Variants in DENND5A observed in about 807,000 individuals in gnomAD.
The protein encoded by DENND5A is DENN domain-containing protein 5A.
A neutral mutation model predicts 140.3 loss-of-function variants in DENND5A; 64 were observed. The observed-to-expected ratio is 0.46, with a 90% CI of 0.37 to 0.56. The LOEUF (loss-of-function observed/expected upper bound fraction) is 0.56. Among genes scored for constraint, DENND5A ranks in the 20% least tolerant of loss-of-function variants. The pLI is 0.00. For synonymous variants in DENND5A, 605 were observed against 607.7 expected, an observed-to-expected ratio of 1.00 and a Z score of 0.07; for missense variants, 1,292 against 1,593.8, an observed-to-expected ratio of 0.81 and a Z score of 3.22.
At chr11:9,231,048 T>C (rs1850748276) in intron 1 of DENND5A, among the ~76,000 whole-genome samples, 1 of 152,088 alleles carries the variant, frequency 6.6e-6, no homozygotes, top group South Asian at 2.1e-4. Flanking sequence ...TTGAGAGGAA[T>C]GAATGAGTTA....
chr11:9,251,318 C>T (rs73404305), intron 1 of DENND5A, among the ~76,000 whole-genome samples: 3,353 of 151,984 alleles, frequency 0.022, 115 homozygotes, highest in African/African-American at 0.073. Flanking sequence ...GATGGCCAAG[C>T]AAAATTTTAA....
intron 1 of DENND5A, among the ~76,000 whole-genome samples, chr11:9,221,930 T>A (rs903033382): frequency 1.3e-5 from 2 of 152,052 alleles, no homozygotes; most frequent in Non-Finnish European, 2.9e-5. Context: ...GCTAATTTTT[T>A]ATATTTTTAG....
Position 9,174,102 on chromosome 11 carries a change from CAAAAAAAAAAA to C in DENND5A, c.1907-3336_1907-3326del, listed in dbSNP as rs57703622. The stretch of plus-strand genomic sequence containing the variant: ...TGGGCGATAGAGCAAGACTCCGTCT[CAAAAAAAAAAA>C]AAAAAAAAAAAAAAAAGAAAAAAAA... On this transcript the variant is annotated intron_variant, in intron 8 of 22. Transcript: ENST00000328194. Among the ~76,000 whole-genome samples the C allele has an allele frequency of 6.7e-3, 281 of 42,166 alleles. 2 individuals carry two copies. Among genetic ancestry groups the C allele is most frequent in the African/African-American group, 0.023 (261 of 11,472 alleles). 27.7% of individuals were successfully genotyped at this position (42,166 alleles called of 152,430 possible). A position where few individuals can be genotyped will look rare whatever the true frequency, so the allele number is the denominator to read the frequency against.
intron 1 of DENND5A, among the ~76,000 whole-genome samples, chr11:9,234,213 A>G (rs1850900773): frequency 6.6e-6 from 1 of 151,350 alleles, no homozygotes; most frequent in African/African-American, 2.4e-5. Flanking sequence ...TATACCCTCC[A>G]AACCACATTC....
intron 1 of DENND5A, among the ~76,000 whole-genome samples, chr11:9,242,277 G>C (rs561999977): frequency 1.3e-5 from 2 of 152,292 alleles, no homozygotes; most frequent in East Asian, 3.9e-4. Context: ...AAGAGCTGAA[G>C]GAGGGAATAA....
rs1847173914 is a variant in DENND5A at position 9,139,757 on chromosome 11, C to G, written c.3778G>C (p.Val1260Leu). ...TGCAGCACACGAATCAAGGAATTGA[C>G]AAGTGTATGGTCTTTGATCAGTGCC... ...DVALIKDHTL[V>L]NSLIRVLQTL... The change falls in exon 23 of 23, where the codon GTC (valine) becomes CTC (leucine). Residue 1260 changes from valine to leucine, a missense_variant. Around this residue, in one of 4 missense-constraint regions of DENND5A, gnomAD observed 498 missense variants for 689.7 expected, o/e 0.72. Coordinates refer to ENST00000328194, the MANE Select transcript of DENND5A (RefSeq NM_015213.4). 6.2e-7 allele frequency: 1 copy of G among 1,613,966 alleles called. No homozygotes were observed. Among genetic ancestry groups the G allele is most frequent in the Non-Finnish European group, 8.5e-7 (1 of 1,180,012 alleles).
chr11:9,146,976 C>T lies in DENND5A; in HGVS notation c.2857+54G>A. ...AAGGGGACAATGAGTGAGTCTCAGGCAGGTTCATAAAGACTGCCTTGAGAA... is the reference window on the plus strand; with the variant it reads ...AAGGGGACAATGAGTGAGTCTCAGGTAGGTTCATAAAGACTGCCTTGAGAA... On this transcript the variant is annotated intron_variant, in intron 16 of 22. Transcript: ENST00000328194. 3 of 1,589,794 alleles carry T rather than the reference C, an allele frequency of 1.9e-6. 1 individual carries two copies. In the South Asian group the frequency reaches 3.3e-5, roughly 18 times the overall value.
Position 9,204,272 on chromosome 11 carries a change from T to G in DENND5A, c.337A>C (p.Arg113=). The change falls in exon 4 of 23, where the codon AGG becomes CGG. Residue 113 remains arginine (R), a synonymous_variant. Coordinates refer to ENST00000328194, the MANE Select transcript of DENND5A (RefSeq NM_015213.4). ...GLAFKTQADP[R]EPQFHAFIIT... ...ATAAAGGCATGGAATTGGGGCTCCC[T>G]GGGATCAGCCTGGGTCTTGAATGCC... is the stretch of plus-strand genomic sequence containing the variant. 6.2e-7 allele frequency: 1 copy of G among 1,613,720 alleles called. No individual in the cohort carries two copies. Among genetic ancestry groups the G allele is most frequent in the East Asian group, 2.2e-5 (1 of 44,870 alleles).
At chr11:9,218,920 C>T (rs1199198007) in intron 1 of DENND5A, among the ~76,000 whole-genome samples, 3 of 152,012 alleles carry the variant, frequency 2.0e-5, no homozygotes, top group African/African-American at 7.3e-5. Context: ...GCAGGAGAAT[C>T]GCTTGAACCC....
At chr11:9,208,038 A>AGGG (rs1485322057) in intron 1 of DENND5A, among the ~76,000 whole-genome samples, 1 of 152,228 alleles carries the variant, frequency 6.6e-6, no homozygotes, top group African/African-American at 2.4e-5. Flanking sequence ...GGGACAAATT[A>AGGG]AATGCATATA....
At chr11:9,174,102 CAAAAAAAAAAAAAAA>C (rs57703622) in intron 8 of DENND5A, among the ~76,000 whole-genome samples, 5 of 42,148 alleles carry the variant, frequency 1.2e-4, no homozygotes, top group East Asian at 1.5e-3. Flanking sequence ...GACTCCGTCT[CAAAAAAAAAAAAAAA>C]AAAAAAAAAA....
chr11:9,231,795 A>G (rs1205824069), intron 1 of DENND5A, among the ~76,000 whole-genome samples: 3 of 151,478 alleles, frequency 2.0e-5, no homozygotes. Context: ...CTTTACTTTT[A>G]AGAACTTTTA....
intron 1 of DENND5A, among the ~76,000 whole-genome samples, chr11:9,248,191 T>C (rs978624231): frequency 1.3e-5 from 2 of 152,084 alleles, no homozygotes; most frequent in African/African-American, 4.8e-5. Flanking sequence ...CCATGTTGCC[T>C]AGGCTGCTCT....
At position 9,178,937 on chromosome 11, in the gene DENND5A, T is replaced by C; in HGVS notation, c.1592A>G (p.Tyr531Cys). The C allele has an allele frequency of 6.2e-7, 1 of 1,614,140 alleles. No homozygotes were observed. Among genetic ancestry groups the C allele is most frequent in the Non-Finnish European group, 8.5e-7 (1 of 1,180,008 alleles). ...ANRFTQMFAD[Y>C]EVFVIQPSQD... is the part of the protein sequence containing the mutation. ...GCTGGGTTGGATGACAAACACCTCATAATCTGCAAACATCTGAGTGAAACG... is the reference window on the plus strand; with the variant it reads ...GCTGGGTTGGATGACAAACACCTCACAATCTGCAAACATCTGAGTGAAACG... Residue 531 changes from tyrosine (Y) to cysteine (C), a missense_variant, in exon 7 of 23, where the codon TAT becomes TGT. Tyr to Cys is a radical substitution (Grantham distance 194, BLOSUM62 -2). This residue lies in a region of DENND5A where 29 missense variants were observed against 64.7 expected (regional missense o/e 0.45). Coordinates refer to ENST00000328194, the MANE Select transcript of DENND5A (RefSeq NM_015213.4).
In DENND5A at chr11:9,178,374, G is replaced by C; in HGVS notation, c.1672-8C>G. ...ATCTGACAGAAAAGATGCCTGGTGGGACCAAAAAGAAGCAGTAATTGACAG... is the reference window on the plus strand; with the variant it reads ...ATCTGACAGAAAAGATGCCTGGTGGCACCAAAAAGAAGCAGTAATTGACAG... On this transcript the variant is annotated splice_region_variant and splice_polypyrimidine_tract_variant and intron_variant, in intron 7 of 22. Transcript: ENST00000328194. 1 of 1,559,894 alleles carries C rather than the reference G, an allele frequency of 6.4e-7. No individual in the cohort carries two copies. Among genetic ancestry groups the C allele is most frequent in the Non-Finnish European group, 8.8e-7 (1 of 1,131,760 alleles).
At chr11:9,179,503 T>TTA (rs1184830477) in intron 6 of DENND5A, among the ~76,000 whole-genome samples, 1 of 150,958 alleles carries the variant, frequency 6.6e-6, no homozygotes, top group Non-Finnish European at 1.5e-5. Context: ...AAAAAACCTT[T>TTA]TTTTTTTTTT....
chr11:9,140,990 A>G (rs540467014), intron 22 of DENND5A, among the ~76,000 whole-genome samples: 1 of 152,206 alleles, frequency 6.6e-6, no homozygotes, highest in East Asian at 1.9e-4. Flanking sequence ...GCCAGGCGTG[A>G]TGGCGCATGC....
At chr11:9,153,789 G>A (rs1847712826) in intron 12 of DENND5A, among the ~76,000 whole-genome samples, 1 of 152,216 alleles carries the variant, frequency 6.6e-6, no homozygotes, top group Non-Finnish European at 1.5e-5. Context: ...CTTGGCGTTT[G>A]GAAAGGTAAG....
intron 10 of DENND5A, among the ~76,000 whole-genome samples, chr11:9,169,049 G>A (rs1283038827): frequency 1.3e-5 from 2 of 151,828 alleles, no homozygotes; most frequent in Non-Finnish European, 2.9e-5. Flanking sequence ...TGATAATAAT[G>A]TTCCTCTCCT....
Sources: gnomAD v4.1 joint callset for allele counts (sites outside exome capture counted in the v4.1 genomes callset) on GRCh38, gnomAD v4.1.1 for gene constraint, gnomAD v4.1.1 regional missense constraint, MANE v1.5 for transcripts, NCBI Gene and HGNC (gene_info 2026-07-23, HGNC 2026-07-21) for gene names.